TMEM117: variants seen among roughly 807,000 people sequenced by gnomAD.
TMEM117 encodes the protein transmembrane protein 117.
In TMEM117, 27 loss-of-function variants were observed where a neutral mutation model predicts 52.4. The observed-to-expected ratio is 0.51, with a 90% confidence interval of 0.38 to 0.71. The LOEUF is 0.71. Ranked by LOEUF, TMEM117 falls within the 30% of genes least tolerant of loss-of-function variation. TMEM117 has a pLI of 0.00. For synonymous variants in TMEM117, 215 were observed against 206.3 expected (o/e 1.04, Z -0.36); for missense variants, 556 against 630.5 (o/e 0.88, Z 1.26).
At chr12:44,230,989 A>G (rs1053789557) in intron 5 of TMEM117, among the ~76,000 whole-genome samples, 2 of 151,976 alleles carry the variant, frequency 1.3e-5, no homozygotes, top group African/African-American at 4.8e-5. Flanking sequence ...TTTAAACACA[A>G]TGTACTATAT....
At chr12:44,344,157 A>T (rs1298310119) in intron 6 of TMEM117, among the ~76,000 whole-genome samples, 2 of 152,174 alleles carry the variant, frequency 1.3e-5, no homozygotes, top group Admixed American at 1.3e-4. Flanking sequence ...TAGGTAACCT[A>T]TTAACATCAC....
intron 3 of TMEM117, among the ~76,000 whole-genome samples, chr12:44,120,518 G>C (rs1425152204): frequency 1.3e-5 from 2 of 152,118 alleles, no homozygotes; most frequent in Non-Finnish European, 2.9e-5. Context: ...TGGGTAAAAA[G>C]CTAGCCATGT....
chr12:44,085,250 T>C (rs1382336744), intron 3 of TMEM117, among the ~76,000 whole-genome samples: 1 of 151,872 alleles, frequency 6.6e-6, no homozygotes, highest in Admixed American at 6.6e-5. Flanking sequence ...AGGTACTTTG[T>C]CTCATTTTTT....
At chr12:44,032,406 G>A (rs1458879355) in intron 3 of TMEM117, among the ~76,000 whole-genome samples, 1 of 152,142 alleles carries the variant, frequency 6.6e-6, no homozygotes, top group Non-Finnish European at 1.5e-5. Flanking sequence ...TTATTCCTGT[G>A]AACCATCCAG....
chr12:43,862,276 C>T (rs1018577993), intron 2 of TMEM117, among the ~76,000 whole-genome samples: 1 of 152,074 alleles, frequency 6.6e-6, no homozygotes, highest in Non-Finnish European at 1.5e-5. Context: ...TCACACCATT[C>T]TCCTGCCTCA....
upstream of TMEM117, among the ~76,000 whole-genome samples, chr12:43,831,370 AT>A (rs1169070644): frequency 3.9e-5 from 6 of 152,180 alleles, no homozygotes; most frequent in African/African-American, 1.4e-4. Flanking sequence ...TCAAAATGCC[AT>A]TTAGAGAGGA....
chr12:44,121,509 A>G (rs1227960164), intron 3 of TMEM117, among the ~76,000 whole-genome samples: 2 of 152,158 alleles, frequency 1.3e-5, no homozygotes, highest in African/African-American at 2.4e-5. Context: ...AATAGTAAAT[A>G]TATTTTCCTT....
chr12:43,831,284 T>A (rs989372885), upstream of TMEM117, among the ~76,000 whole-genome samples: 1 of 152,198 alleles, frequency 6.6e-6, no homozygotes, highest in African/African-American at 2.4e-5. Flanking sequence ...AGAGTCCATC[T>A]AATCACTGAC....
rs374992047 is a variant in TMEM117, at chr12:44,388,081, G to A, written c.954G>A (p.Met318Ile). ...TCGTCTTGATTTTGGATCTTAATATGTGGAAGAACCAAATATTTTATAAAC... is the reference window on the plus strand; with the variant it reads ...TCGTCTTGATTTTGGATCTTAATATATGGAAGAACCAAATATTTTATAAAC... Reference protein sequence around the residue: ...IFLVLILDLNMWKNQIFYKPH... With the variant: ...IFLVLILDLNIWKNQIFYKPH... Residue 318 changes from methionine to isoleucine, a missense_variant, in exon 8 of 8, where the codon ATG (methionine) becomes ATA (isoleucine). By Grantham distance (10) the Met-to-Ile change is conservative (BLOSUM62 1). Coordinates refer to ENST00000266534, the MANE Select transcript of TMEM117 (RefSeq NM_032256.3). The A allele has an allele frequency of 6.2e-7, 1 of 1,612,390 alleles. No homozygotes were observed. Among genetic ancestry groups the A allele is most frequent in the African/African-American group, 1.3e-5 (1 of 74,794 alleles).
intron 3 of TMEM117, among the ~76,000 whole-genome samples, chr12:44,024,936 T>A (rs1946510298): frequency 6.6e-6 from 1 of 152,110 alleles, no homozygotes; most frequent in Non-Finnish European, 1.5e-5. Flanking sequence ...AGCGCCTTCA[T>A]CTATTCCTAA....
intron 2 of TMEM117, among the ~76,000 whole-genome samples, chr12:43,901,952 G>A (rs530873043): frequency 6.6e-6 from 1 of 152,186 alleles, no homozygotes; most frequent in South Asian, 2.1e-4. Flanking sequence ...GATAATGGTG[G>A]CATATTACAT....
chr12:44,122,048 C>CT (rs201865850), intron 3 of TMEM117, among the ~76,000 whole-genome samples: 25,479 of 138,740 alleles, frequency 0.18, 4,355 homozygotes, highest in African/African-American at 0.45. Context: ...CTTTTCTTTT[C>CT]TTTTTTTTTT....
chr12:43,888,547 T>TCC (rs57621457), intron 2 of TMEM117, among the ~76,000 whole-genome samples: 1 of 17,594 alleles, frequency 5.7e-5, no homozygotes, highest in Non-Finnish European at 1.2e-3. Flanking sequence ...AGTTTTCTTT[T>TCC]TTTTTTTTTT....
At chr12:44,047,071 G>A (rs1185742935) in intron 3 of TMEM117, among the ~76,000 whole-genome samples, 5 of 152,046 alleles carry the variant, frequency 3.3e-5, no homozygotes. Context: ...ATTAATCCTG[G>A]ATGTGTCTGT....
intron 5 of TMEM117, among the ~76,000 whole-genome samples, chr12:44,244,960 T>C (rs181983052): frequency 6.6e-6 from 1 of 152,212 alleles, no homozygotes; most frequent in Non-Finnish European, 1.5e-5. Flanking sequence ...ATTTCCTTAT[T>C]GTATGTTCTT....
chr12:43,884,079 T>C (rs1300432665), intron 2 of TMEM117, among the ~76,000 whole-genome samples: 2 of 147,404 alleles, frequency 1.4e-5, no homozygotes, highest in African/African-American at 5.0e-5. Context: ...AAGGCTGCAG[T>C]GAGCCATGAT....
chr12:44,387,890 C>CT (rs1952111803), intron 7 of TMEM117, 136 bp from the exon 8 acceptor site: 14 of 850,008 alleles, frequency 1.6e-5, no homozygotes, highest in Non-Finnish European at 2.3e-5. Context: ...GCACAGCACT[C>CT]TCAAAATATT....
At chr12:44,270,965 T>A (rs754895734) in intron 5 of TMEM117, among the ~76,000 whole-genome samples, 2 of 152,120 alleles carry the variant, frequency 1.3e-5, no homozygotes, top group Non-Finnish European at 2.9e-5. Context: ...AAACAATACA[T>A]TAAAAAGATC....
At chr12:43,875,105 C>T (rs561669682) in intron 2 of TMEM117, among the ~76,000 whole-genome samples, 2 of 152,232 alleles carry the variant, frequency 1.3e-5, no homozygotes, top group Non-Finnish European at 2.9e-5. Flanking sequence ...AGATACAAGT[C>T]GCCCAAAATT....
Sources: gnomAD v4.1 joint callset for allele counts (sites outside exome capture counted in the v4.1 genomes callset) on GRCh38, gnomAD v4.1.1 for gene constraint, MANE v1.5 for transcripts, NCBI Gene and HGNC (gene_info 2026-07-23, HGNC 2026-07-21) for gene names.